Variants in UBL7 observed in about 807,000 individuals in gnomAD.
UBL7 encodes the protein ubiquitin-like protein 7.
Under a neutral mutation model 41.7 loss-of-function variants are expected in UBL7, and 21 were observed. That is an observed-to-expected ratio of 0.50 (90% CI 0.36 to 0.73). The LOEUF (loss-of-function observed/expected upper bound fraction) is 0.73, where lower values mean the gene tolerates loss of function less well. UBL7 is among the 30% of genes least tolerant of loss of function. UBL7 has a pLI of 0.00. For synonymous variants in UBL7, 157 were observed against 186.9 expected, an observed-to-expected ratio of 0.84 and a Z score of 1.31; for missense variants, 403 against 478.4, an observed-to-expected ratio of 0.84 and a Z score of 1.47.
rs770156645 is a variant in UBL7 at position 74,451,494 on chromosome 15, C to T, written c.414G>A (p.Glu138=). The change falls in exon 5 of 11, where the codon GAG becomes GAA. Residue 138 remains glutamate (E), a synonymous_variant. Coordinates refer to ENST00000395081, the MANE Select transcript of UBL7 (RefSeq NM_032907.5). Reference sequence around the variant, plus strand: ...TGGCCACAATGATCTGATCCAGAGACTCCTTATTGCTGAGCATCTTAAAGA... The same window carrying T: ...TGGCCACAATGATCTGATCCAGAGATTCCTTATTGCTGAGCATCTTAAAGA... ...EAVFKMLSNK[E]SLDQIIVATP... 22 of 1,614,032 alleles carry T rather than the reference C, an allele frequency of 1.4e-5. No homozygotes were observed. The highest frequency in any genetic ancestry group is 1.0e-4 in the Admixed American group (6 of 60,004).
chr15:74,459,968 G>T (rs887923471), intron 1 of UBL7, among the ~76,000 whole-genome samples: 2 of 126,818 alleles, frequency 1.6e-5, no homozygotes, highest in Non-Finnish European at 3.2e-5. Flanking sequence ...AAAGCCAGAC[G>T]CGGTGGCTCA....
chr15:74,449,051 A>C, intron 9 of UBL7, 135 bp downstream of exon 9: 1 of 1,114,572 alleles, frequency 9.0e-7, no homozygotes, highest in Middle Eastern at 3.1e-4. Context: ...CTGCAGTAAG[A>C]AATCCCCACC....
intron 3 of UBL7, 102 bp downstream of exon 3, chr15:74,456,450 C>A: frequency 6.9e-7 from 1 of 1,440,076 alleles, no homozygotes; most frequent in Non-Finnish European, 9.5e-7. Context: ...CTCAGTAAAT[C>A]ATCCCTTTGT....
intron 3 of UBL7, among the ~76,000 whole-genome samples, chr15:74,453,389 C>G (rs568304866): frequency 6.4e-4 from 98 of 152,222 alleles, no homozygotes; most frequent in African/African-American, 2.2e-3. Flanking sequence ...AAGACCTCAA[C>G]AGAGACGTGG....
intron 10 of UBL7, 143 bp downstream of exon 10, chr15:74,448,335 C>T (rs2061205504): frequency 7.4e-7 from 1 of 1,345,522 alleles, no homozygotes; most frequent in Admixed American, 1.9e-5. Context: ...TAGGAACACT[C>T]TGCACCTGTC....
rs771770861 is a variant in UBL7 at position 74,449,364 on chromosome 15, A to G, written c.715-11T>C. On this transcript the variant is annotated splice_polypyrimidine_tract_variant and intron_variant, in intron 8 of 10. Coordinates refer to ENST00000395081, the MANE Select transcript of UBL7 (RefSeq NM_032907.5). ...TGTGGACCTGGTGTTCTGGAGAAAG[A>G]AGACACTCAGAATCAGGGAAGCAGT... 2.5e-6 allele frequency: 4 copies of G among 1,613,822 alleles called. No homozygotes were observed. In the African/African-American group the frequency reaches 5.3e-5, roughly 22 times the overall value.
intron 2 of UBL7, 50 bp downstream of exon 2, chr15:74,458,634 C>T (rs781506703): frequency 6.6e-7 from 1 of 1,522,904 alleles, no homozygotes; most frequent in South Asian, 1.1e-5. Flanking sequence ...AAGTATCCTC[C>T]CCCAAAAGAG....
At chr15:74,460,576 C>T in intron 1 of UBL7, 1 of 675,752 alleles carries the variant, frequency 1.5e-6, no homozygotes, top group Non-Finnish European at 2.2e-6. Context: ...AACAAAAGGG[C>T]TACAAATATC....
In UBL7 at chr15:74,461,024, G is replaced by C. The variant is rs2061344337; in HGVS notation, c.-30+13C>G. ...AGTAATGGGGCAGGAACACTATCCG[G>C]TGGCGACCTCACCGCTCCAGTGGGA... On this transcript the variant is annotated intron_variant, in intron 1 of 10. Coordinates refer to ENST00000395081, the MANE Select transcript of UBL7 (RefSeq NM_032907.5). The C allele has an allele frequency of 9.4e-7, 1 of 1,065,652 alleles. No individual in the cohort carries two copies. Among genetic ancestry groups the C allele is most frequent in the South Asian group, 2.5e-5 (1 of 39,762 alleles). The allele number at this position is 1,065,652 out of a possible 1,614,324, so 66.0% of individuals were successfully genotyped here.
intron 9 of UBL7, 66 bp from the exon 10 acceptor site, chr15:74,448,666 G>A (rs1358062219): frequency 1.3e-6 from 2 of 1,598,776 alleles, no homozygotes; most frequent in Non-Finnish European, 1.7e-6. Context: ...GATGCTCGCT[G>A]TTGTCATATC....
Position 74,448,489 on chromosome 15 carries a change from G to A in UBL7, c.994C>T (p.Pro332Ser), listed in dbSNP as rs762202425. ...LQHALQASGQ[P>S]SLQSQWQPQL... ...TGGGGAAGACTGACCTGAAGGCTGG[G>A]CTGCCCAGAGGCCTGAAGGGCATGC... The change falls in exon 10 of 11, where the codon CCC becomes TCC. Residue 332 changes from proline to serine, a missense_variant. By Grantham distance (74) the Pro-to-Ser change is moderately conservative (BLOSUM62 -1). Coordinates refer to ENST00000395081, the MANE Select transcript of UBL7 (RefSeq NM_032907.5). The A allele has an allele frequency of 5.0e-6, 8 of 1,613,898 alleles. No individual in the cohort carries two copies. The highest frequency in any genetic ancestry group is 4.4e-5 in the South Asian group (4 of 91,086).
chr15:74,459,186 C>T (rs1022963415), intron 1 of UBL7: 1 of 273,008 alleles, frequency 3.7e-6, no homozygotes, highest in African/African-American at 2.2e-5. Context: ...CTGTATGCCC[C>T]TTTTTCCAAT....
chr15:74,450,909 G>A, intron 5 of UBL7, 50 bp from the exon 6 acceptor site: 1 of 1,603,194 alleles, frequency 6.2e-7, no homozygotes, highest in Non-Finnish European at 8.5e-7. Flanking sequence ...GCCAGATCCA[G>A]GAGGGAGAAG....
In UBL7 at chr15:74,449,979, G is replaced by A. The variant is rs2061227260; in HGVS notation, c.621C>T (p.Ser207=). The change falls in exon 7 of 11, where the codon TCC becomes TCT. Residue 207 remains serine, a synonymous_variant. Coordinates refer to ENST00000395081, the MANE Select transcript of UBL7 (RefSeq NM_032907.5). ...AGCTGGAGGGCATGCTCCGGGAAGA[G>A]GAGTCAGTCCCAGGCATTGGGGCAC... ...AGSAPMPGTD[S]SSRSMPSSSY... The A allele has an allele frequency of 4.3e-6, 7 of 1,613,438 alleles. No individual in the cohort carries two copies. Among genetic ancestry groups the A allele is most frequent in the Non-Finnish European group, 5.9e-6 (7 of 1,179,768 alleles).
In UBL7 at chr15:74,456,786, T is replaced by C. The variant is rs572019234; in HGVS notation, c.185-115A>G. 1.9e-5 allele frequency: 24 copies of C among 1,249,896 alleles called. No homozygotes were observed. In the African/African-American group the frequency reaches 3.5e-4, roughly 18 times the overall value. 77.4% of individuals were successfully genotyped at this position (1,249,896 alleles called of 1,614,324 possible). A position where few individuals can be genotyped will look rare whatever the true frequency, so the allele number is the denominator to read the frequency against. ...GGAGAATGATACATGTTTTAAAAGA[T>C]ACTCTTATTCAATAACTTAACAAAT... is the stretch of plus-strand genomic sequence containing the variant. On this transcript the variant is annotated intron_variant, in intron 2 of 10. Coordinates refer to ENST00000395081, the MANE Select transcript of UBL7 (RefSeq NM_032907.5).
chr15:74,460,608 C>A, intron 1 of UBL7: 1 of 1,081,190 alleles, frequency 9.2e-7, no homozygotes, highest in Non-Finnish European at 1.2e-6. Flanking sequence ...TCCTCCACCC[C>A]AATTCTTGAA....
At chr15:74,457,694 G>A (rs183929155) in intron 2 of UBL7, among the ~76,000 whole-genome samples, 251 of 126,366 alleles carry the variant, frequency 2.0e-3, no homozygotes, top group African/African-American at 7.5e-3. Flanking sequence ...CTGAGATCTC[G>A]CCACTGCACT....
intron 2 of UBL7, 80 bp downstream of exon 2, chr15:74,458,604 C>A (rs768589823): frequency 4.6e-6 from 6 of 1,299,066 alleles, no homozygotes; most frequent in Non-Finnish European, 6.5e-6. Context: ...CAAGCCCTTA[C>A]TTTACTCTTG....
intron 3 of UBL7, 35 bp downstream of exon 3, chr15:74,456,517 A>C: frequency 1.2e-6 from 2 of 1,611,154 alleles, no homozygotes; most frequent in East Asian, 2.2e-5. Context: ...GATATTACAG[A>C]AACTCTGCCT....
Sources: gnomAD v4.1 joint callset for allele counts (sites outside exome capture counted in the v4.1 genomes callset) on GRCh38, gnomAD v4.1.1 for gene constraint, MANE v1.5 for transcripts, NCBI Gene and HGNC (gene_info 2026-07-23, HGNC 2026-07-21) for gene names.